The following ZNF536 variants were observed in gnomAD, a reference collection of about 807,000 sequenced individuals.
ZNF536 encodes the protein zinc finger protein 536.
In ZNF536, 13 loss-of-function variants were observed where a neutral mutation model predicts 84.5. The ratio of observed to expected loss-of-function variants is 0.15; its 90% CI spans 0.10 to 0.24. The LOEUF (loss-of-function observed/expected upper bound fraction) is 0.24. ZNF536 is among the 10% of genes least tolerant of loss of function. The probability of loss-of-function intolerance (pLI) is 1.00; values close to 1 mark genes in which losing one functional copy is unlikely to be tolerated. For missense variants in ZNF536, 1,536 were observed against 1,747.5 expected, an observed-to-expected ratio of 0.88 and a Z score of 2.16; for synonymous variants, 811 against 742.5, an observed-to-expected ratio of 1.09 and a Z score of -1.50.
At chr19:30,269,729 C>T (rs745986660) in intron 1 of ZNF536, among the ~76,000 whole-genome samples, 7 of 152,152 alleles carry the variant, frequency 4.6e-5, no homozygotes, top group Non-Finnish European at 8.8e-5. Context: ...AATTTGGCTC[C>T]TGGCCTGTGT....
At chr19:30,410,724 C>T (rs947776360) in intron 1 of ZNF536, among the ~76,000 whole-genome samples, 21 of 151,874 alleles carry the variant, frequency 1.4e-4, no homozygotes, top group Non-Finnish European at 2.4e-4. Flanking sequence ...GTGATCCGCC[C>T]GCCTCGGCCT....
At chr19:30,609,188 A>G (rs1278638433) in intron 1 of ZNF536, among the ~76,000 whole-genome samples, 6 of 152,224 alleles carry the variant, frequency 3.9e-5, no homozygotes, top group Non-Finnish European at 5.9e-5. Flanking sequence ...AAGAATGCTC[A>G]CAAATATTAA....
At chr19:30,403,163 T>C (rs1455789706) in intron 1 of ZNF536, among the ~76,000 whole-genome samples, 1 of 152,140 alleles carries the variant, frequency 6.6e-6, no homozygotes, top group Non-Finnish European at 1.5e-5. Flanking sequence ...AATAACATAT[T>C]GTTAGTCCCA....
chr19:30,374,808 G>T (rs1267010177), intron 1 of ZNF536, among the ~76,000 whole-genome samples: 5 of 151,482 alleles, frequency 3.3e-5, no homozygotes. Context: ...CCCAGCCGGC[G>T]CCCGGGCGGA....
At chr19:30,588,552 G>A (rs1481198587) in intron 1 of ZNF536, among the ~76,000 whole-genome samples, 1 of 152,164 alleles carries the variant, frequency 6.6e-6, no homozygotes, top group African/African-American at 2.4e-5. Flanking sequence ...CATGGGAAAT[G>A]CATTCCTGTT....
intron 1 of ZNF536, among the ~76,000 whole-genome samples, chr19:30,399,219 C>T (rs577529816): frequency 8.5e-5 from 13 of 152,084 alleles, no homozygotes; most frequent in South Asian, 6.2e-4. Context: ...TGTCTTCTTT[C>T]GAGAAGTGTC....
chr19:30,547,828 A>T, intron 3 of ZNF536, 115 bp from the exon 4 acceptor site: 3 of 1,199,038 alleles, frequency 2.5e-6, no homozygotes, highest in Non-Finnish European at 3.4e-6. Flanking sequence ...GTTGTTCTCT[A>T]ATTATTAGTT....
At chr19:30,459,598 G>A (rs904594863) in intron 2 of ZNF536, among the ~76,000 whole-genome samples, 2 of 152,008 alleles carry the variant, frequency 1.3e-5, no homozygotes, top group Non-Finnish European at 2.9e-5. Context: ...TGACCCACCT[G>A]CCTTGGCCTC....
chr19:30,354,603 G>A (rs1002473019), intron 3 of ZNF536, among the ~76,000 whole-genome samples: 1 of 152,184 alleles, frequency 6.6e-6, no homozygotes, highest in African/African-American at 2.4e-5. Flanking sequence ...GAACAATTAC[G>A]TGTTCTGTGG....
chr19:30,459,307 T>TTTTCC (rs1263351020), intron 2 of ZNF536, among the ~76,000 whole-genome samples: 1 of 151,446 alleles, frequency 6.6e-6, no homozygotes, highest in Non-Finnish European at 1.5e-5. Context: ...TCTTTCTTTC[T>TTTTCC]TTTCCTTTCC....
At chr19:30,227,283 T>A (rs2022666107), upstream of ZNF536, among the ~76,000 whole-genome samples, 1 of 152,088 alleles carries the variant, frequency 6.6e-6, no homozygotes, top group African/African-American at 2.4e-5. Flanking sequence ...TTTTCACTTC[T>A]GTATTGTGAG....
At chr19:30,693,126 G>A in intron 1 of ZNF536, among the ~76,000 whole-genome samples, 1 of 152,004 alleles carries the variant, frequency 6.6e-6, no homozygotes, top group East Asian at 1.9e-4. Context: ...ATGCCTCTCC[G>A]TGCTTCGGAC....
chr19:30,627,512 A>G (rs1157638477), intron 1 of ZNF536, among the ~76,000 whole-genome samples: 3 of 137,674 alleles, frequency 2.2e-5, no homozygotes, highest in Admixed American at 1.5e-4. Flanking sequence ...AAGGCTTTCT[A>G]TGCTGGAGCT....
rs193243598 is a variant in ZNF536, at chr19:30,500,709, G to T, written c.2171-34138G>T. ...GATGAATGTGGGTCTCACAACCCCA[G>T]GCTTGCTCCTGGTTCTAGAATCTCA... On this transcript the variant is annotated intron_variant, in intron 2 of 4. Transcript: ENST00000355537. 4.1e-4 allele frequency among the ~76,000 whole-genome samples: 62 copies of T among 152,374 alleles called. 2 individuals carry two copies. Among genetic ancestry groups the T allele is most frequent in the African/African-American group, 1.4e-3 (59 of 41,590 alleles).
chr19:30,334,689 A>G (rs546017734), intron 2 of ZNF536, among the ~76,000 whole-genome samples: 1 of 152,280 alleles, frequency 6.6e-6, no homozygotes, highest in African/African-American at 2.4e-5. Context: ...GATGTTATTC[A>G]TGATGAAAAT....
At chr19:30,687,200 A>G (rs964541856) in intron 1 of ZNF536, among the ~76,000 whole-genome samples, 4 of 152,162 alleles carry the variant, frequency 2.6e-5, no homozygotes, top group Admixed American at 2.6e-4. Flanking sequence ...TCTTTATTTC[A>G]TCCTCTTTTT....
chr19:30,646,846 T>C (rs1006494252), intron 1 of ZNF536, among the ~76,000 whole-genome samples: 4 of 152,190 alleles, frequency 2.6e-5, no homozygotes, highest in African/African-American at 4.8e-5. Flanking sequence ...GAAGCAAGGC[T>C]ATTGATGTTG....
chr19:30,437,054 G>A (rs1451499032), intron 1 of ZNF536, among the ~76,000 whole-genome samples: 2 of 152,198 alleles, frequency 1.3e-5, no homozygotes, highest in Non-Finnish European at 2.9e-5. Flanking sequence ...TATTTTGAAA[G>A]CATTTTATTT....
rs185633222 is a variant in ZNF536, at chr19:30,351,802, G to C, written c.-119-566G>C. On this transcript the variant is annotated intron_variant, in intron 2 of 5. Coordinates refer to the ZNF536 transcript ENST00000585628. ...AGAGTGGTAACTGTTTTAGCAGAAAGCCTGTCCTCTCTTGGTAAATGGTAA... is the reference window on the plus strand; with the variant it reads ...AGAGTGGTAACTGTTTTAGCAGAAACCCTGTCCTCTCTTGGTAAATGGTAA... Among the ~76,000 whole-genome samples the C allele has an allele frequency of 1.4e-4, 21 of 152,310 alleles. No homozygotes were observed. The East Asian group carries it at 3.3e-3, about 24-fold the overall frequency.
Sources: gnomAD v4.1 joint callset for allele counts (sites outside exome capture counted in the v4.1 genomes callset) on GRCh38, gnomAD v4.1.1 for gene constraint, MANE v1.5 for transcripts, NCBI Gene and HGNC (gene_info 2026-07-23, HGNC 2026-07-21) for gene names.